The following ADGRV1 variants were observed in gnomAD, a reference collection of about 807,000 sequenced individuals.
ADGRV1 encodes the protein G-protein coupled receptor 98.
ADGRV1 carries 359 observed loss-of-function variants against 596.2 expected under a neutral mutation model. That is an observed-to-expected ratio of 0.60 (90% CI 0.55 to 0.66). The LOEUF is 0.66. Ranked by LOEUF, ADGRV1 falls within the 30% of genes least tolerant of loss-of-function variation. ADGRV1 has a pLI of 0.00. For synonymous variants in ADGRV1, 2,681 were observed against 2,679.2 expected, an observed-to-expected ratio of 1.00 and a Z score of -0.02; for missense variants, 7,274 against 7,575.6, an observed-to-expected ratio of 0.96 and a Z score of 1.48.
intron 25 of ADGRV1, chr5:90,676,749 T>C (rs1367191291): frequency 1.3e-5 from 2 of 153,206 alleles, no homozygotes; most frequent in African/African-American, 4.8e-5. Flanking sequence ...TTTTCTGTTT[T>C]TTGCTGTAGC....
chr5:90,733,696 A>G (rs1350772964), intron 50 of ADGRV1, among the ~76,000 whole-genome samples: 2 of 152,162 alleles, frequency 1.3e-5, no homozygotes, highest in East Asian at 3.8e-4. Flanking sequence ...ACACATATTG[A>G]GTGTAATATG....
intron 87 of ADGRV1, among the ~76,000 whole-genome samples, chr5:91,114,324 C>T (rs1005999921): frequency 2.0e-5 from 3 of 151,708 alleles, no homozygotes; most frequent in Non-Finnish European, 4.4e-5. Context: ...GTCAGGAGTT[C>T]GAGACCAGCT....
At chr5:90,592,356 C>A (rs967470524) in intron 1 of ADGRV1, among the ~76,000 whole-genome samples, 2 of 152,122 alleles carry the variant, frequency 1.3e-5, no homozygotes, top group African/African-American at 4.8e-5. Context: ...AGAAGTAACT[C>A]AGGAATGGAA....
intron 85 of ADGRV1, among the ~76,000 whole-genome samples, chr5:91,066,490 A>G (rs914126439): frequency 2.6e-5 from 4 of 152,214 alleles, no homozygotes; most frequent in African/African-American, 7.2e-5. Flanking sequence ...ATACAGCAGT[A>G]GAAATTTTAT....
intron 85 of ADGRV1, among the ~76,000 whole-genome samples, chr5:90,990,635 G>A (rs1043074429): frequency 3.3e-5 from 5 of 152,166 alleles, no homozygotes; most frequent in African/African-American, 1.2e-4. Context: ...CCAGTCCACG[G>A]CCCTGGGTTT....
At chr5:90,625,096 G>A (rs751425835) in intron 5 of ADGRV1, 34 bp from the exon 6 acceptor site, 3 of 1,256,162 alleles carry the variant, frequency 2.4e-6, no homozygotes, top group South Asian at 1.3e-5. Context: ...GAAGTATTTT[G>A]CATTTATTGA....
intron 83 of ADGRV1, among the ~76,000 whole-genome samples, chr5:90,873,393 G>T (rs1390373147): frequency 6.6e-6 from 1 of 152,168 alleles, no homozygotes; most frequent in Non-Finnish European, 1.5e-5. Flanking sequence ...AACCAAGTGG[G>T]TTTTGTGGTC....
chr5:91,126,816 G>A (rs540746977), intron 87 of ADGRV1, among the ~76,000 whole-genome samples: 21 of 152,274 alleles, frequency 1.4e-4, no homozygotes, highest in Admixed American at 5.9e-4. Flanking sequence ...TCTGTAGGGA[G>A]ATTGTGGATT....
At chr5:91,019,555 T>C (rs1289783416) in intron 85 of ADGRV1, among the ~76,000 whole-genome samples, 3 of 150,552 alleles carry the variant, frequency 2.0e-5, no homozygotes, top group Non-Finnish European at 4.4e-5. Flanking sequence ...TGAACATTGC[T>C]GTACATTAAT....
At chr5:90,763,730 A>G (rs1756769785) in intron 59 of ADGRV1, among the ~76,000 whole-genome samples, 1 of 152,156 alleles carries the variant, frequency 6.6e-6, no homozygotes, top group Admixed American at 6.5e-5. Context: ...CTTTATGTCC[A>G]TGTGTATCCA....
At chr5:90,668,598 A>T (rs575186626) in intron 21 of ADGRV1, among the ~76,000 whole-genome samples, 1 of 151,436 alleles carries the variant, frequency 6.6e-6, no homozygotes, top group African/African-American at 2.4e-5. Context: ...GGAGCTGTAG[A>T]CCAGAGCTGT....
At chr5:90,782,987 A>T in intron 65 of ADGRV1, 137 bp from the exon 66 acceptor site, 1 of 689,792 alleles carries the variant, frequency 1.4e-6, no homozygotes, top group Non-Finnish European at 2.5e-6. Context: ...ATCCCCCTTT[A>T]AAATGATAAA....
chr5:90,768,571 T>C (rs1431569503), intron 59 of ADGRV1, among the ~76,000 whole-genome samples: 1 of 152,216 alleles, frequency 6.6e-6, no homozygotes, highest in Non-Finnish European at 1.5e-5. Context: ...TCCTGGACTT[T>C]CTCAAAATGT....
chr5:90,657,909 TG>T lies in ADGRV1; in HGVS notation c.4386del (p.Ile1463TyrfsTer2). On this transcript the variant is annotated frameshift_variant, in exon 21 of 90. Transcript: ENST00000405460. LOFTEE classifies it high-confidence loss of function. ...TAAACTTGTCTCTAATTTCAGGTCC[TG>T]GGATACTGAGAATTGGAGCAGGGAT... is the stretch of plus-strand genomic sequence containing the variant. ...LKGEAITDGP[G>X]ILRIGAGING... 1 of 1,605,788 alleles carries T rather than the reference TG, an allele frequency of 6.2e-7. No homozygotes were observed. The highest frequency in any genetic ancestry group is 8.5e-7 in the Non-Finnish European group (1 of 1,174,066).
intron 87 of ADGRV1, among the ~76,000 whole-genome samples, chr5:91,131,099 T>C (rs1243331900): frequency 6.6e-6 from 1 of 152,262 alleles, no homozygotes; most frequent in African/African-American, 2.4e-5. Flanking sequence ...GATGTCTTTT[T>C]GGTAGAACAA....
chr5:91,133,186 T>C (rs570253368), intron 87 of ADGRV1, among the ~76,000 whole-genome samples: 1 of 152,316 alleles, frequency 6.6e-6, no homozygotes, highest in East Asian at 1.9e-4. Context: ...CTTAAATGAT[T>C]ATTGTGTTTT....
At chr5:90,583,276 A>T (rs551512702) in intron 1 of ADGRV1, among the ~76,000 whole-genome samples, 1 of 152,134 alleles carries the variant, frequency 6.6e-6, no homozygotes, top group African/African-American at 2.4e-5. Flanking sequence ...ACTTTACTTC[A>T]TCTCATTTTT....
At chr5:91,099,062 T>A (rs1239046775) in intron 86 of ADGRV1, among the ~76,000 whole-genome samples, 2 of 152,150 alleles carry the variant, frequency 1.3e-5, no homozygotes, top group African/African-American at 4.8e-5. Context: ...AAAAATGAAT[T>A]TTTCTAAAAA....
chr5:90,689,012 C>T (rs537584622), intron 29 of ADGRV1, among the ~76,000 whole-genome samples: 5 of 152,272 alleles, frequency 3.3e-5, no homozygotes, highest in East Asian at 1.9e-4. Context: ...TTGATAGTGC[C>T]GTCCCAGCAT....
Sources: allele counts gnomAD v4.1 joint callset (sites outside exome capture counted in the v4.1 genomes callset), GRCh38; gene constraint gnomAD v4.1.1; transcripts MANE v1.5; gene names NCBI Gene and HGNC (gene_info 2026-07-23, HGNC 2026-07-21).